The following SORBS2 variants were observed in gnomAD, a reference collection of about 807,000 sequenced individuals.
The protein encoded by SORBS2 is sorbin and SH3 domain containing 2.
In SORBS2, 46 loss-of-function variants were observed where a neutral mutation model predicts 97.7. The ratio of observed to expected loss-of-function variants is 0.47; its 90% confidence interval spans 0.37 to 0.60. The LOEUF is 0.60. SORBS2 is among the 20% of genes least tolerant of loss of function. SORBS2 has a pLI of 0.00. For missense variants in SORBS2, 1,316 were observed against 1,282.3 expected (o/e 1.03, Z -0.40); for synonymous variants, 476 against 473.4 (o/e 1.01, Z -0.07).
At chr4:185,650,244 T>C (rs2097290359) in intron 2 of SORBS2, among the ~76,000 whole-genome samples, 1 of 152,032 alleles carries the variant, frequency 6.6e-6, no homozygotes, top group Non-Finnish European at 1.5e-5. Context: ...TAAAAGATAA[T>C]AAAGACCAAA....
chr4:185,667,803 G>A (rs911725875), intron 4 of SORBS2, among the ~76,000 whole-genome samples: 5 of 150,790 alleles, frequency 3.3e-5, no homozygotes, highest in African/African-American at 4.9e-5. Context: ...AAATGTTTTG[G>A]TGGGGATGCA....
chr4:185,954,700 C>A (rs889451340), intron 1 of SORBS2, among the ~76,000 whole-genome samples: 3 of 152,186 alleles, frequency 2.0e-5, no homozygotes, highest in Non-Finnish European at 4.4e-5. Context: ...TGGCTCACAC[C>A]TGTAATCCCA....
chr4:185,619,275 AC>A (rs1318989746), intron 8 of SORBS2, among the ~76,000 whole-genome samples: 2 of 152,126 alleles, frequency 1.3e-5, no homozygotes, highest in Non-Finnish European at 1.5e-5. Context: ...TCCCTGAGGT[AC>A]CCTGTACCCT....
intron 1 of SORBS2, among the ~76,000 whole-genome samples, chr4:185,943,258 A>C (rs1450719886): frequency 6.6e-6 from 1 of 152,244 alleles, no homozygotes; most frequent in African/African-American, 2.4e-5. Context: ...GATATTCCAC[A>C]TAGTAACAAA....
intron 1 of SORBS2, among the ~76,000 whole-genome samples, chr4:185,791,819 A>G (rs1474514960): frequency 1.3e-5 from 2 of 152,176 alleles, no homozygotes; most frequent in Non-Finnish European, 2.9e-5. Context: ...CAACATGTAC[A>G]GAGCCCCAAG....
intron 1 of SORBS2, among the ~76,000 whole-genome samples, chr4:185,837,707 G>A (rs1355374317): frequency 2.0e-5 from 3 of 151,992 alleles, no homozygotes; most frequent in Non-Finnish European, 4.4e-5. Flanking sequence ...TATTCCTTTT[G>A]CAAAGCCTAT....
At chr4:185,745,423 G>A (rs1562260421) in intron 2 of SORBS2, among the ~76,000 whole-genome samples, 1 of 152,094 alleles carries the variant, frequency 6.6e-6, no homozygotes, top group Non-Finnish European at 1.5e-5. Context: ...CTTCACTTGC[G>A]TTAAGAATTA....
intron 1 of SORBS2, among the ~76,000 whole-genome samples, chr4:185,846,257 G>A (rs975766496): frequency 6.6e-6 from 1 of 152,172 alleles, no homozygotes; most frequent in Non-Finnish European, 1.5e-5. Context: ...ACAAATGGAC[G>A]CCTCTCAAAT....
chr4:185,814,261 G>A (rs76062628), intron 1 of SORBS2, among the ~76,000 whole-genome samples: 4,018 of 151,924 alleles, frequency 0.026, 72 homozygotes, highest in African/African-American at 0.043. Flanking sequence ...ATCTCTGGCC[G>A]TGGCTCACAC....
chr4:185,868,282 G>A (rs918428178), intron 1 of SORBS2, among the ~76,000 whole-genome samples: 2 of 150,478 alleles, frequency 1.3e-5, no homozygotes, highest in Non-Finnish European at 3.0e-5. Flanking sequence ...TCAGCTTCCC[G>A]AGTAGCTGGG....
intron 1 of SORBS2, among the ~76,000 whole-genome samples, chr4:185,841,528 T>G (rs972524509): frequency 3.9e-5 from 6 of 152,192 alleles, no homozygotes; most frequent in African/African-American, 1.4e-4. Context: ...GATCTCATGT[T>G]AGGTTCCTCC....
Position 185,649,577 on chromosome 4 carries a change from G to T in SORBS2, c.171C>A (p.His57Gln). ...TAAAGGCATTGGGGCTGTTGTCGGA[G>T]TGGCTTTTGGAAAGAGGTCTGTAGG... Residue 57 changes from histidine (H) to glutamine (Q), a missense_variant, in exon 3 of 15, where the codon CAC becomes CAA. His to Gln is a conservative substitution (Grantham distance 24). Transcript: ENST00000418609. 1 of 1,604,766 alleles carries T rather than the reference G, an allele frequency of 6.2e-7. No homozygotes were observed. The highest frequency in any genetic ancestry group is 1.3e-5 in the African/African-American group (1 of 74,484).
At chr4:185,800,172 A>G (rs2099123424) in intron 1 of SORBS2, among the ~76,000 whole-genome samples, 1 of 152,094 alleles carries the variant, frequency 6.6e-6, no homozygotes, top group South Asian at 2.1e-4. Context: ...TTCAGCCTGG[A>G]TGACAGAGCA....
intron 1 of SORBS2, among the ~76,000 whole-genome samples, chr4:185,794,869 C>G (rs1159860369): frequency 6.6e-6 from 1 of 152,056 alleles, no homozygotes; most frequent in Non-Finnish European, 1.5e-5. Context: ...AGGACTGGTG[C>G]ACCCAGACCT....
chr4:185,819,020 G>T (rs1483483468), intron 1 of SORBS2, among the ~76,000 whole-genome samples: 1 of 152,066 alleles, frequency 6.6e-6, no homozygotes, highest in Non-Finnish European at 1.5e-5. Context: ...CTTCATTAAA[G>T]ACATGGTTTG....
At chr4:185,619,983 G>A (rs1216424733) in intron 8 of SORBS2, 80 bp downstream of exon 20, 4 of 862,812 alleles carry the variant, frequency 4.6e-6, no homozygotes, top group Non-Finnish European at 6.0e-6. Context: ...GTTCGTTACT[G>A]GTTTGGGATA....
intron 2 of SORBS2, among the ~76,000 whole-genome samples, chr4:185,740,972 C>T (rs757154033): frequency 1.5e-4 from 23 of 152,034 alleles, no homozygotes; most frequent in Non-Finnish European, 3.1e-4. Flanking sequence ...CAGATCAGCA[C>T]GAACTCAAAC....
intron 1 of SORBS2, among the ~76,000 whole-genome samples, chr4:185,889,477 T>G (rs2099241383): frequency 6.6e-6 from 1 of 152,188 alleles, no homozygotes; most frequent in Admixed American, 6.5e-5. Context: ...ATTTCATAGT[T>G]ATGAAGTCCA....
At chr4:185,646,714 A>T in exon 4 of SORBS2, 2 of 1,613,982 alleles carry the variant, frequency 1.2e-6, no homozygotes, top group Non-Finnish European at 1.7e-6. Flanking sequence ...TTCATATTCA[A>T]AAATACTCCT....
Sources: allele counts gnomAD v4.1 joint callset (sites outside exome capture counted in the v4.1 genomes callset), GRCh38; gene constraint gnomAD v4.1.1; transcripts MANE v1.5; gene names NCBI Gene and HGNC (gene_info 2026-07-23, HGNC 2026-07-21).